SLC26A2: variants seen among roughly 807,000 people sequenced by gnomAD.
The protein encoded by SLC26A2 is sulfate transporter.
A neutral mutation model predicts 41.1 loss-of-function variants in SLC26A2; 36 were observed. The observed-to-expected ratio is 0.88, with a 90% CI of 0.67 to 1.16. The LOEUF is 1.16. Among genes scored for constraint, SLC26A2 ranks in the 50% most tolerant of loss-of-function variants. SLC26A2 has a pLI of 0.00. For missense variants in SLC26A2, 796 were observed against 869.6 expected, an observed-to-expected ratio of 0.92 and a Z score of 1.07; for synonymous variants, 291 against 311.6, an observed-to-expected ratio of 0.93 and a Z score of 0.70.
rs192457706 is a variant in SLC26A2, at chr5:149,985,731, C to T, written c.*3918C>T. On this transcript the variant is annotated 3_prime_UTR_variant, in exon 3 of 3. Coordinates refer to ENST00000286298, the MANE Select transcript of SLC26A2 (RefSeq NM_000112.4). ...TACGTATTGTTACAGATGAGCCATA[C>T]GTTTCTTTGTATCAATGTAGACATG... The T allele has an allele frequency of 4.6e-5, 7 of 152,244 alleles. No individual in the cohort carries two copies. Among genetic ancestry groups the T allele is most frequent in the South Asian group, 2.1e-4 (1 of 4,818 alleles). 9.4% of individuals were successfully genotyped at this position (152,244 alleles called of 1,614,324 possible).
In SLC26A2 at chr5:149,981,481, G is replaced by A; in HGVS notation, c.1888G>A (p.Gly630Arg). ...CAAAGAAAAAGTAGTGACTCTTGGTGGAATCCAGGATGAAATGTCAGTGCA... is the reference window on the plus strand; with the variant it reads ...CAAAGAAAAAGTAGTGACTCTTGGTAGAATCCAGGATGAAATGTCAGTGCA... The part of the protein sequence containing the change: ...KIKEKVVTLG[G>R]IQDEMSVQLS... The change falls in exon 3 of 3, where the codon GGA (glycine) becomes AGA (arginine). Residue 630 changes from glycine to arginine, a missense_variant. Transcript: ENST00000286298. The A allele has an allele frequency of 6.2e-7, 1 of 1,614,122 alleles. No homozygotes were observed. The highest frequency in any genetic ancestry group is 8.5e-7 in the Non-Finnish European group (1 of 1,179,980).
intron 1 of SLC26A2, among the ~76,000 whole-genome samples, chr5:149,963,603 G>A (rs1401666712): frequency 1.3e-5 from 2 of 151,676 alleles, no homozygotes; most frequent in African/African-American, 4.8e-5. Flanking sequence ...TTAGTAGAGA[G>A]GGGGTTTCAC....
chr5:149,966,350 G>A (rs950477084), intron 1 of SLC26A2, among the ~76,000 whole-genome samples: 4 of 152,236 alleles, frequency 2.6e-5, no homozygotes, highest in Non-Finnish European at 4.4e-5. Flanking sequence ...AGAGGGTTAT[G>A]ACTTGCCTGG....
rs1755114308 is a variant in SLC26A2 at position 149,981,900 on chromosome 5, C to T, written c.*87C>T. 9.6e-7 allele frequency: 1 copy of T among 1,044,994 alleles called. No individual in the cohort carries two copies. Among genetic ancestry groups the T allele is most frequent in the East Asian group, 2.4e-5 (1 of 41,576 alleles). The allele number at this position is 1,044,994 out of a possible 1,614,324, so 64.7% of individuals were successfully genotyped here. On this transcript the variant is annotated 3_prime_UTR_variant, in exon 3 of 3. Coordinates refer to ENST00000286298, the MANE Select transcript of SLC26A2 (RefSeq NM_000112.4). Reference sequence around the variant, plus strand: ...CCCAGTTCCACAGTGGGAAATTTTGCACACTTGAAATTTTAACCAAGTGGC... The same window carrying T: ...CCCAGTTCCACAGTGGGAAATTTTGTACACTTGAAATTTTAACCAAGTGGC...
intron 1 of SLC26A2, among the ~76,000 whole-genome samples, chr5:149,964,908 T>A (rs528231284): frequency 1.3e-5 from 2 of 152,288 alleles, no homozygotes; most frequent in South Asian, 2.1e-4. Context: ...AAATTTTTTT[T>A]AAATGTAGGT....
At chr5:149,964,153 C>CTAA (rs1170615173) in intron 1 of SLC26A2, among the ~76,000 whole-genome samples, 1 of 152,122 alleles carries the variant, frequency 6.6e-6, no homozygotes, top group Non-Finnish European at 1.5e-5. Context: ...CCTCATCTTG[C>CTAA]TAATGAATGC....
In SLC26A2 at chr5:149,986,006, T is replaced by G. The variant is rs1186730673; in HGVS notation, c.*4193T>G. 1.3e-5 allele frequency: 2 copies of G among 152,198 alleles called. No individual in the cohort carries two copies. The highest frequency in any genetic ancestry group is 6.5e-5 in the Admixed American group (1 of 15,276). The allele number at this position is 152,198 out of a possible 1,614,324, so 9.4% of individuals were successfully genotyped here. ...ACATCCAATTGACAGGATTTAGATT[T>G]TGCTTAGTTTTTCTGCTTTTTAATG... On this transcript the variant is annotated 3_prime_UTR_variant, in exon 3 of 3. Transcript: ENST00000286298.
At position 149,980,866 on chromosome 5, in the gene SLC26A2, A is replaced by G. The variant is rs104893920; in HGVS notation, c.1273A>G (p.Asn425Asp). The G allele has an allele frequency of 2.5e-6, 4 of 1,614,124 alleles. No homozygotes were observed. Among genetic ancestry groups the G allele is most frequent in the Admixed American group, 1.7e-5 (1 of 60,014 alleles). ...GGAAATGTATGCCATTGGCTTTTGT[A>G]ATATCATCCCTTCCTTCTTCCACTG... ...NQEMYAIGFC[N>D]IIPSFFHCFT... The change falls in exon 3 of 3, where the codon AAT (asparagine) becomes GAT (aspartate). Residue 425 changes from asparagine (N) to aspartate (D), a missense_variant. Transcript: ENST00000286298.
In SLC26A2 at chr5:149,982,461, C is replaced by G. The variant is rs1755126526; in HGVS notation, c.*648C>G. ...GCCAGCCTGACATTAGACAGAATAC[C>G]CTTTGTAATACATTGGAAATTTTTA... is the stretch of plus-strand genomic sequence containing the variant. On this transcript the variant is annotated 3_prime_UTR_variant, in exon 3 of 3. Transcript: ENST00000286298. The G allele has an allele frequency of 6.6e-6, 1 of 152,154 alleles. No homozygotes were observed. Among genetic ancestry groups the G allele is most frequent in the African/African-American group, 2.4e-5 (1 of 41,424 alleles). 9.4% of individuals were successfully genotyped at this position (152,154 alleles called of 1,614,324 possible).
At chr5:149,973,003 T>C (rs1754931153) in intron 1 of SLC26A2, among the ~76,000 whole-genome samples, 1 of 152,228 alleles carries the variant, frequency 6.6e-6, no homozygotes, top group African/African-American at 2.4e-5. Flanking sequence ...TCAAATAAGA[T>C]ACCATTTCAC....
intron 1 of SLC26A2, among the ~76,000 whole-genome samples, chr5:149,962,689 C>G (rs957144093): frequency 2.0e-5 from 3 of 152,112 alleles, no homozygotes; most frequent in African/African-American, 7.2e-5. Context: ...GATAATCACG[C>G]TTTTAGTGAA....
In SLC26A2 at chr5:149,981,835, T is replaced by A; in HGVS notation, c.*22T>A. The A allele has an allele frequency of 6.4e-7, 1 of 1,565,412 alleles. No homozygotes were observed. The highest frequency in any genetic ancestry group is 8.8e-7 in the Non-Finnish European group (1 of 1,138,468). ...TTAATTGAGAAGGTAGATAGAAGAA[T>A]GTCTAGCCAATAGGTTAAAATTTCA... On this transcript the variant is annotated 3_prime_UTR_variant, in exon 3 of 3. Coordinates refer to ENST00000286298, the MANE Select transcript of SLC26A2 (RefSeq NM_000112.4).
chr5:149,978,962 C>G (rs1290776085), intron 2 of SLC26A2, among the ~76,000 whole-genome samples: 1 of 152,016 alleles, frequency 6.6e-6, no homozygotes, highest in Non-Finnish European at 1.5e-5. Context: ...AAGCAATCCT[C>G]CCGTCTTGGC....
intron 1 of SLC26A2, among the ~76,000 whole-genome samples, chr5:149,966,854 C>CA (rs1375719690): frequency 6.6e-6 from 1 of 152,068 alleles, no homozygotes; most frequent in Non-Finnish European, 1.5e-5. Context: ...AAAAATATTA[C>CA]AAAAAGAAAT....
Position 149,980,376 on chromosome 5 carries a change from C to T in SLC26A2, c.783C>T (p.Ser261=). ...ALLSGFVTGA[S]FTILTSQAKY... ...TGAGTGGATTTGTCACTGGTGCCTC[C>T]TTCACTATTCTTACATCTCAGGCCA... Residue 261 remains serine (S), a synonymous_variant, in exon 3 of 3, where the codon TCC becomes TCT. Transcript: ENST00000286298. The T allele has an allele frequency of 6.2e-7, 1 of 1,614,116 alleles. No homozygotes were observed. Among genetic ancestry groups the T allele is most frequent in the Non-Finnish European group, 8.5e-7 (1 of 1,179,970 alleles).
intron 1 of SLC26A2, among the ~76,000 whole-genome samples, chr5:149,971,082 A>G (rs916957954): frequency 6.6e-6 from 1 of 152,248 alleles, no homozygotes; most frequent in Non-Finnish European, 1.5e-5. Flanking sequence ...TTGCAGGCCC[A>G]TTTAACACAG....
At chr5:149,966,542 C>T in intron 1 of SLC26A2, among the ~76,000 whole-genome samples, 1 of 152,130 alleles carries the variant, frequency 6.6e-6, no homozygotes, top group Admixed American at 6.5e-5. Flanking sequence ...AGGAAAATCC[C>T]AGTACAGGTT....
intron 1 of SLC26A2, among the ~76,000 whole-genome samples, chr5:149,971,783 A>G (rs192610104): frequency 1.3e-5 from 2 of 152,346 alleles, no homozygotes; most frequent in African/African-American, 4.8e-5. Context: ...TTAGTGGAAA[A>G]AGAATGAAAT....
In SLC26A2 at chr5:149,977,676, A is replaced by G. The variant is rs372345029; in HGVS notation, c.24A>G (p.Gln8=). The change falls in exon 2 of 3, where the codon CAA becomes CAG. Residue 8 remains glutamine (Q), a synonymous_variant. Coordinates refer to ENST00000286298, the MANE Select transcript of SLC26A2 (RefSeq NM_000112.4). ...AAATGTCTTCAGAAAGTAAAGAGCA[A>G]CATAACGTTTCACCCAGAGACTCAG... is the stretch of plus-strand genomic sequence containing the variant. MSSESKE[Q]HNVSPRDSAE... is the part of the protein sequence containing the mutation. The G allele has an allele frequency of 2.4e-5, 39 of 1,613,774 alleles. No individual in the cohort carries two copies. The highest frequency in any genetic ancestry group is 3.1e-5 in the Non-Finnish European group (37 of 1,179,788).
Sources: allele counts gnomAD v4.1 joint callset (sites outside exome capture counted in the v4.1 genomes callset), GRCh38; gene constraint gnomAD v4.1.1; transcripts MANE v1.5; gene names NCBI Gene and HGNC (gene_info 2026-07-23, HGNC 2026-07-21).